Variants in CELF1 observed in about 807,000 individuals in gnomAD.
CELF1 encodes the protein 50 kDa nuclear polyadenylated RNA-binding protein.
In CELF1, 10 loss-of-function variants were observed where a neutral mutation model predicts 61.8. The observed-to-expected ratio is 0.16, with a 90% CI of 0.10 to 0.27. The LOEUF (loss-of-function observed/expected upper bound fraction) is 0.27. Ranked by LOEUF, CELF1 falls within the 10% of genes least tolerant of loss-of-function variation. The pLI, the probability that CELF1 is intolerant of heterozygous loss-of-function variation, is 1.00. For missense variants in CELF1, 380 were observed against 639.1 expected (o/e 0.59, Z 4.37); for synonymous variants, 236 against 225.1 (o/e 1.05, Z -0.43).
At chr11:47,543,474 T>C (rs1001774124) in intron 1 of CELF1, among the ~76,000 whole-genome samples, 1 of 152,072 alleles carries the variant, frequency 6.6e-6, no homozygotes, top group African/African-American at 2.4e-5. Flanking sequence ...AATAAACAAA[T>C]ATGTACTCAT....
intron 6 of CELF1, among the ~76,000 whole-genome samples, chr11:47,486,160 C>CA (rs375593179): frequency 1.2e-4 from 10 of 82,682 alleles, no homozygotes; most frequent in Admixed American, 2.7e-4. Context: ...GACTCCATCT[C>CA]AAAAAAAAAA....
chr11:47,483,609 TGA>T, intron 7 of CELF1, 77 bp from the exon 8 acceptor site: 5 of 1,057,662 alleles, frequency 4.7e-6, no homozygotes, highest in Non-Finnish European at 7.4e-6. Flanking sequence ...TACTATGTGC[TGA>T]CTATCATGCT....
intron 3 of CELF1, among the ~76,000 whole-genome samples, chr11:47,492,703 G>A: frequency 6.6e-6 from 1 of 152,044 alleles, no homozygotes. Context: ...CTGCACTCCA[G>A]CCTGGGTGGC....
At chr11:47,560,491 C>T (rs1024007867) in intron 2 of CELF1, among the ~76,000 whole-genome samples, 1 of 152,084 alleles carries the variant, frequency 6.6e-6, no homozygotes, top group African/African-American at 2.4e-5. Flanking sequence ...ACAAAGACCA[C>T]ATGTTGTATG....
At chr11:47,475,570 T>A in intron 12 of CELF1, 49 bp from the exon 13 acceptor site, 1 of 1,579,860 alleles carries the variant, frequency 6.3e-7, no homozygotes. Context: ...ACTAAACTGA[T>A]GCCAAAGACA....
intron 1 of CELF1, among the ~76,000 whole-genome samples, chr11:47,540,885 AAAC>A (rs138263192): frequency 0.016 from 2,450 of 151,206 alleles, 53 homozygotes; most frequent in African/African-American, 0.049. Context: ...ACTCCATCTC[AAAC>A]AACAACAACA....
chr11:47,508,675 AACACACACAC>A (rs10690121), intron 1 of CELF1, among the ~76,000 whole-genome samples: 2 of 148,946 alleles, frequency 1.3e-5, no homozygotes, highest in Admixed American at 6.7e-5. Context: ...GGAAACCTCA[AACACACACAC>A]ACACACACAC....
At chr11:47,493,146 T>A (rs1184549314) in intron 3 of CELF1, among the ~76,000 whole-genome samples, 2 of 151,982 alleles carry the variant, frequency 1.3e-5, no homozygotes, top group Admixed American at 1.3e-4. Flanking sequence ...GCTCTCCAAA[T>A]CCTTCTCTAT....
rs140207119 is a variant in CELF1, at chr11:47,527,493, G to A, written c.-154+25499C>T. Among the ~76,000 whole-genome samples, 79 of 152,234 alleles carry A rather than the reference G, an allele frequency of 5.2e-4. 3 individuals carry two copies. The highest frequency in any genetic ancestry group is 1.8e-3 in the African/African-American group (74 of 41,566). ...TAATCCCAGCACTTTGAGAGGTCAAGGGAGAGGATCACTTGAGATCAGGAG... is the reference window on the plus strand; with the variant it reads ...TAATCCCAGCACTTTGAGAGGTCAAAGGAGAGGATCACTTGAGATCAGGAG... On this transcript the variant is annotated intron_variant, in intron 1 of 14. Coordinates refer to ENST00000687097, the MANE Select transcript of CELF1 (RefSeq NM_001376376.1).
intron 1 of CELF1, among the ~76,000 whole-genome samples, chr11:47,530,119 T>G (rs2096414667): frequency 6.6e-6 from 1 of 152,210 alleles, no homozygotes; most frequent in South Asian, 2.1e-4. Flanking sequence ...AGTGCATATT[T>G]AGAGGCTTAA....
At chr11:47,496,031 CACAT>C in intron 3 of CELF1, 1 of 984,538 alleles carries the variant, frequency 1.0e-6, no homozygotes, top group African/African-American at 1.7e-5. Flanking sequence ...CCCTCTGGCT[CACAT>C]ACAGTGCTGT....
Sources: gnomAD v4.1 joint callset for allele counts (sites outside exome capture counted in the v4.1 genomes callset) on GRCh38, gnomAD v4.1.1 for gene constraint, MANE v1.5 for transcripts, NCBI Gene and HGNC (gene_info 2026-07-23, HGNC 2026-07-21) for gene names.